Variants in STAT5A observed in about 807,000 individuals in gnomAD.
The protein encoded by STAT5A is signal transducer and activator of transcription 5A, also known as epididymis secretory sperm binding protein.
A neutral mutation model predicts 100.2 loss-of-function variants in STAT5A; 26 were observed. The observed-to-expected ratio is 0.26, with a 90% confidence interval of 0.19 to 0.36. The LOEUF is 0.36. STAT5A is among the 10% of genes least tolerant of loss of function. STAT5A has a pLI of 1.00. For synonymous variants in STAT5A, 330 were observed against 424.3 expected (o/e 0.78, Z 2.73); for missense variants, 634 against 1,027.5 (o/e 0.62, Z 5.24).
rs1289673766 is a variant in STAT5A, at chr17:42,304,526, G to A, written c.1258-4G>A. 1 of 1,614,100 alleles carries A rather than the reference G, an allele frequency of 6.2e-7. No individual in the cohort carries two copies. Among genetic ancestry groups the A allele is most frequent in the African/African-American group, 1.3e-5 (1 of 74,940 alleles). ...CTGTTCCCCTGTCACCTCCCACCCTGCAGTCACTGAAGAGGATCAAGCGTG... is the reference window on the plus strand; with the variant it reads ...CTGTTCCCCTGTCACCTCCCACCCTACAGTCACTGAAGAGGATCAAGCGTG... On this transcript the variant is annotated splice_region_variant and splice_polypyrimidine_tract_variant and intron_variant, in intron 10 of 18. Coordinates refer to ENST00000590949, the MANE Select transcript of STAT5A (RefSeq NM_001288718.2). This position sits in a 1 kb window ranked among gnomAD's most constrained non-coding sequence, Gnocchi z 4.8.
chr17:42,303,468 G>T (rs1178458378), intron 9 of STAT5A, among the ~76,000 whole-genome samples: 2 of 152,194 alleles, frequency 1.3e-5, no homozygotes, highest in Admixed American at 6.5e-5. Context: ...CCAGCACTTT[G>T]AGAGGCTGAG....
chr17:42,292,351 C>T (rs550613144), intron 4 of STAT5A, among the ~76,000 whole-genome samples: 10 of 151,684 alleles, frequency 6.6e-5, no homozygotes, highest in South Asian at 4.2e-4. Flanking sequence ...TTTTTTGAGA[C>T]GGATTCTTGC....
At chr17:42,306,510 A>C in intron 13 of STAT5A, 63 bp downstream of exon 13, 1 of 1,560,328 alleles carries the variant, frequency 6.4e-7, no homozygotes. Flanking sequence ...CCTCCACCTC[A>C]CAGACAGGTT....
At chr17:42,303,942 G>A (rs751996936) in intron 9 of STAT5A, among the ~76,000 whole-genome samples, 3 of 152,158 alleles carry the variant, frequency 2.0e-5, no homozygotes, top group Non-Finnish European at 4.4e-5. Context: ...CAGGGCCAAC[G>A]GGGCTTGCAT....
chr17:42,311,819 G>C lies in STAT5A; in HGVS notation c.*1150G>C, dbSNP rs2081086237. ...CAGGGGCAGCTGACCATGGAAGATT[G>C]AGAGCCCAAGGTTTAAACTTCTCTG... On this transcript the variant is annotated 3_prime_UTR_variant, in exon 19 of 19. Coordinates refer to ENST00000590949, the MANE Select transcript of STAT5A (RefSeq NM_001288718.2). 6.5e-6 allele frequency: 1 copy of C among 152,798 alleles called. No homozygotes were observed. The highest frequency in any genetic ancestry group is 6.5e-5 in the Admixed American group (1 of 15,280). 9.5% of individuals were successfully genotyped at this position (152,798 alleles called of 1,614,324 possible).
chr17:42,310,670 ATGTT>A lies in STAT5A; in HGVS notation c.*4_*7del, dbSNP rs2081072088. 2 of 1,614,058 alleles carry A rather than the reference ATGTT, an allele frequency of 1.2e-6. No homozygotes were observed. Among genetic ancestry groups the A allele is most frequent in the African/African-American group, 1.3e-5 (1 of 75,024 alleles). ...CTCTGCCAGAGGCTCCCTCTCATGA[ATGTT>A]TGAATCCCACGCTTCTCTTTGGAAA... On this transcript the variant is annotated 3_prime_UTR_variant, in exon 19 of 19. Coordinates refer to ENST00000590949, the MANE Select transcript of STAT5A (RefSeq NM_001288718.2).
intron 5 of STAT5A, among the ~76,000 whole-genome samples, chr17:42,298,974 T>G (rs972538622): frequency 6.6e-6 from 1 of 151,804 alleles, no homozygotes; most frequent in South Asian, 2.1e-4. Flanking sequence ...TGTCTATCTG[T>G]CTGTCTCCCC....
chr17:42,304,151 C>T lies in STAT5A; in HGVS notation c.1170-191C>T, dbSNP rs1258024471. The T allele has an allele frequency of 3.3e-6, 2 of 599,382 alleles. No individual in the cohort carries two copies. Among genetic ancestry groups the T allele is most frequent in the Non-Finnish European group, 5.9e-6 (2 of 337,846 alleles). The allele number at this position is 599,382 out of a possible 1,614,324, so 37.1% of individuals were successfully genotyped here. On this transcript the variant is annotated intron_variant, in intron 9 of 18. Transcript: ENST00000590949. The surrounding 1 kb of genome is among the most constrained non-coding windows in gnomAD (Gnocchi z 4.8). ...CAGACCTCACCACTGGAGACCTTGC[C>T]TTGGGTGCTGGGCACCAGGTTGATG... is the stretch of plus-strand genomic sequence containing the variant.
intron 4 of STAT5A, among the ~76,000 whole-genome samples, chr17:42,295,092 C>G (rs1464954974): frequency 6.6e-6 from 1 of 152,148 alleles, no homozygotes; most frequent in African/African-American, 2.4e-5. Flanking sequence ...TCCAGGATGC[C>G]TGTGAGAGTT....
chr17:42,310,406 A>T, intron 18 of STAT5A, 101 bp from the exon 19 acceptor site: 2 of 1,362,064 alleles, frequency 1.5e-6, no homozygotes, highest in Non-Finnish European at 2.1e-6. Context: ...TCCTGTTCTC[A>T]TGAGACGGGT....
At position 42,308,410 on chromosome 17, in the gene STAT5A, G is replaced by C; in HGVS notation, c.2062+77G>C. 1.2e-6 allele frequency: 2 copies of C among 1,601,818 alleles called. No homozygotes were observed. The highest frequency in any genetic ancestry group is 1.7e-6 in the Non-Finnish European group (2 of 1,173,620). On this transcript the variant is annotated intron_variant, in intron 16 of 18. Transcript: ENST00000590949. The surrounding 1 kb of genome is among the most constrained non-coding windows in gnomAD (Gnocchi z 4.6). ...GCCCATAGACAAAGCCTTGGGCTGC[G>C]CCGTGGGGACTTCCCCAGGAGGAGC...
At chr17:42,306,526 C>G in intron 13 of STAT5A, 79 bp downstream of exon 13, 2 of 1,548,854 alleles carry the variant, frequency 1.3e-6, no homozygotes, top group Non-Finnish European at 1.7e-6. Context: ...AGGTTACTGC[C>G]TGGGGCTAGC....
At position 42,308,028 on chromosome 17, in the gene STAT5A, C is replaced by T. The variant is rs977047666; in HGVS notation, c.1907-150C>T. ...CATCTGGTTTGCTGAGTAGAACATC[C>T]CGCATCGGCTTTCTTCCCTACAGGC... On this transcript the variant is annotated intron_variant, in intron 15 of 18. Transcript: ENST00000590949. The surrounding 1 kb of genome is among the most constrained non-coding windows in gnomAD (Gnocchi z 4.6). 1 of 1,122,146 alleles carries T rather than the reference C, an allele frequency of 8.9e-7. No individual in the cohort carries two copies. Among genetic ancestry groups the T allele is most frequent in the Non-Finnish European group, 1.2e-6 (1 of 800,978 alleles). The allele number at this position is 1,122,146 out of a possible 1,614,324, so 69.5% of individuals were successfully genotyped here.
Position 42,295,779 on chromosome 17 carries a change from G to A in STAT5A, c.536G>A (p.Ser179Asn), listed in dbSNP as rs1233252277. Residue 179 changes from serine to asparagine, a missense_variant, in exon 5 of 19, where the codon AGC becomes AAC. By Grantham distance (46) the Ser-to-Asn change is conservative. Around this residue, in one of 5 missense-constraint regions of STAT5A, gnomAD observed 207 missense variants for 256.6 expected, o/e 0.81. Coordinates refer to ENST00000590949, the MANE Select transcript of STAT5A (RefSeq NM_001288718.2). ...TACTTCATCATCCAGTACCAGGAGA[G>A]CCTGAGGATCCAAGGTGAGGCGCGG... Reference protein sequence around the residue: ...QEYFIIQYQESLRIQAQFAQL... With the variant: ...QEYFIIQYQENLRIQAQFAQL... 6.2e-7 allele frequency: 1 copy of A among 1,614,036 alleles called. No individual in the cohort carries two copies. Among genetic ancestry groups the A allele is most frequent in the Admixed American group, 1.7e-5 (1 of 59,998 alleles).
intron 11 of STAT5A, 51 bp from the exon 12 acceptor site, chr17:42,305,559 G>A: frequency 6.7e-7 from 1 of 1,484,568 alleles, no homozygotes; most frequent in Non-Finnish European, 9.4e-7. Context: ...CCTAAGCAGA[G>A]GGCACGTGGT....
In STAT5A at chr17:42,308,276, G is replaced by C; in HGVS notation, c.2005G>C (p.Val669Leu). The change falls in exon 16 of 19, where the codon GTG becomes CTG. Residue 669 changes from valine (V) to leucine (L), a missense_variant. Coordinates refer to ENST00000590949, the MANE Select transcript of STAT5A (RefSeq NM_001288718.2). This position sits in a 1 kb window ranked among gnomAD's most constrained non-coding sequence, Gnocchi z 4.6. ...GGGGGACCTGAGCTATCTCATCTAT[G>C]TGTTTCCTGACCGCCCCAAGGATGA... Reference protein sequence around the residue: ...RLGDLSYLIYVFPDRPKDEVF... With the variant: ...RLGDLSYLIYLFPDRPKDEVF... The C allele has an allele frequency of 6.2e-7, 1 of 1,614,200 alleles. No individual in the cohort carries two copies.
chr17:42,308,649 T>TC lies in STAT5A; in HGVS notation c.2062+320dup. The TC allele has an allele frequency of 4.0e-6, 2 of 494,492 alleles. No homozygotes were observed. Among genetic ancestry groups the TC allele is most frequent in the Non-Finnish European group, 7.3e-6 (2 of 273,220 alleles). 30.6% of individuals were successfully genotyped at this position (494,492 alleles called of 1,614,324 possible). ...TTCGAGCCCACAGATAGTGCTCCGC[T>TC]CCCCACCTCACCAGCTGCTCTCCAC... is the stretch of plus-strand genomic sequence containing the variant. On this transcript the variant is annotated intron_variant, in intron 16 of 18. Transcript: ENST00000590949. This position sits in a 1 kb window ranked among gnomAD's most constrained non-coding sequence, Gnocchi z 4.6.
chr17:42,299,838 C>T lies in STAT5A; in HGVS notation c.638C>T (p.Ala213Val), dbSNP rs774846322. 2.3e-5 allele frequency: 37 copies of T among 1,612,438 alleles called. No individual in the cohort carries two copies. The highest frequency in any genetic ancestry group is 3.0e-5 in the Non-Finnish European group (35 of 1,179,700). The change falls in exon 6 of 19, where the codon GCC (alanine) becomes GTC (valine). Residue 213 changes from alanine (A) to valine (V), a missense_variant. Around this residue, in one of 5 missense-constraint regions of STAT5A, gnomAD observed 31 missense variants for 97.6 expected, o/e 0.32. Coordinates refer to ENST00000590949, the MANE Select transcript of STAT5A (RefSeq NM_001288718.2). ...CAGCAGAAGCAGGTGTCTCTGGAGG[C>T]CTGGTTGCAGCGTGAGGCACAGACA... Reference protein sequence around the residue: ...ALQQKQVSLEAWLQREAQTLQ... With the variant: ...ALQQKQVSLEVWLQREAQTLQ...
At chr17:42,287,985 G>T (rs2080829032), upstream of STAT5A, 2 of 152,212 alleles carry the variant, frequency 1.3e-5, no homozygotes, top group Admixed American at 1.3e-4. Context: ...CAAAACCTGT[G>T]GCCCCCAAGA....
Sources: allele counts gnomAD v4.1 joint callset (sites outside exome capture counted in the v4.1 genomes callset), GRCh38; gene constraint gnomAD v4.1.1; regional missense constraint gnomAD v4.1.1; non-coding constraint Gnocchi (gnomAD v3.1); transcripts MANE v1.5; gene names NCBI Gene and HGNC (gene_info 2026-07-23, HGNC 2026-07-21).